ZMYND11: variants seen among roughly 807,000 people sequenced by gnomAD.
ZMYND11 encodes the protein zinc finger MYND domain-containing protein 11.
ZMYND11 carries 9 observed loss-of-function variants against 84.9 expected under a neutral mutation model. The ratio of observed to expected loss-of-function variants is 0.11; its 90% CI spans 0.06 to 0.18. The LOEUF is 0.18. ZMYND11 is among the 10% of genes least tolerant of loss of function. The probability of loss-of-function intolerance (pLI) is 1.00; values close to 1 mark genes in which losing one functional copy is unlikely to be tolerated. For missense variants in ZMYND11, 409 were observed against 761.0 expected (o/e 0.54, Z 5.44); for synonymous variants, 250 against 244.1 (o/e 1.02, Z -0.23).
Position 209,922 on chromosome 10 carries a change from A to G in ZMYND11, c.150A>G (p.Lys50=), listed in dbSNP as rs966917020. 20 of 1,613,976 alleles carry G rather than the reference A, an allele frequency of 1.2e-5. No individual in the cohort carries two copies. The highest frequency in any genetic ancestry group is 1.7e-5 in the Non-Finnish European group (20 of 1,179,986). ...YMSRVHGMHP[K]ETTRQLSLAV... is the part of the protein sequence containing the mutation. The stretch of plus-strand genomic sequence containing the variant: ...CTCGAGTCCACGGTATGCACCCTAA[A>G]GAGACCACCCGTCAGCTGAGCTTAG... The change falls in exon 3 of 15, where the codon AAA becomes AAG. Residue 50 remains lysine (K), a synonymous_variant. Transcript: ENST00000381604.
At chr10:214,701 C>G (rs1251595569) in intron 3 of ZMYND11, among the ~76,000 whole-genome samples, 2 of 152,172 alleles carry the variant, frequency 1.3e-5, no homozygotes, top group Non-Finnish European at 2.9e-5. Flanking sequence ...AAGAAATGCT[C>G]TATGTCCTTG....
At chr10:197,979 C>A (rs1942210325) in intron 2 of ZMYND11, 1 of 649,836 alleles carries the variant, frequency 1.5e-6, no homozygotes, top group Non-Finnish European at 2.8e-6. Context: ...ATGTCATTTT[C>A]ATTAGTTGTA....
At chr10:174,274 C>T (rs1554766394) in intron 1 of ZMYND11, among the ~76,000 whole-genome samples, 2 of 152,136 alleles carry the variant, frequency 1.3e-5, no homozygotes, top group African/African-American at 4.8e-5. Flanking sequence ...ATGCATATTA[C>T]TAAGTGAAGG....
At chr10:247,072 C>T (rs1952307495) in intron 11 of ZMYND11, 99 bp downstream of exon 11, 5 of 1,246,372 alleles carry the variant, frequency 4.0e-6, no homozygotes, top group Non-Finnish European at 5.6e-6. Flanking sequence ...TTTTGACGTT[C>T]TCCTTCCCTT....
intron 2 of ZMYND11, among the ~76,000 whole-genome samples, chr10:206,977 A>G (rs1314380127): frequency 1.3e-5 from 2 of 151,952 alleles, no homozygotes; most frequent in South Asian, 2.1e-4. Context: ...TCCTAATGCT[A>G]TGCCTCCCCA....
At chr10:136,337 C>T (rs781869086) in intron 1 of ZMYND11, among the ~76,000 whole-genome samples, 1 of 152,170 alleles carries the variant, frequency 6.6e-6, no homozygotes, top group African/African-American at 2.4e-5. Context: ...GCGCCGTGCC[C>T]GGTGTCTTTT....
intron 12 of ZMYND11, among the ~76,000 whole-genome samples, chr10:247,980 C>T (rs1952518264): frequency 6.6e-6 from 1 of 152,012 alleles, no homozygotes; most frequent in Admixed American, 6.6e-5. Context: ...GAATCTAGTC[C>T]AATGAAGTAA....
intron 2 of ZMYND11, among the ~76,000 whole-genome samples, chr10:187,673 A>C (rs1939114150): frequency 1.3e-5 from 2 of 151,922 alleles, no homozygotes; most frequent in Admixed American, 1.3e-4. Context: ...AAACTTCTTT[A>C]ACAAGCTCCA....
upstream of ZMYND11, chr10:135,054 G>C (rs1308214274): frequency 6.7e-6 from 1 of 149,156 alleles, no homozygotes; most frequent in Non-Finnish European, 1.5e-5. This position sits in a 1 kb window ranked among gnomAD's most constrained non-coding sequence, Gnocchi z 5.6. Flanking sequence ...CGGGCCGAGG[G>C]GCCGGTGGGG....
rs148084707 is a variant in ZMYND11, at chr10:191,550, T to C, written c.116+11422T>C. On this transcript the variant is annotated intron_variant, in intron 2 of 14. Transcript: ENST00000381604. The stretch of plus-strand genomic sequence containing the variant: ...GTGCTTCAGGATGTATTCTGAAAAG[T>C]TAAAATGGCTGCAGTGATGAAGGAG... 3.0e-3 allele frequency among the ~76,000 whole-genome samples: 458 copies of C among 152,358 alleles called. 2 individuals carry two copies. Among genetic ancestry groups the C allele is most frequent in the Non-Finnish European group, 5.4e-3 (365 of 68,046 alleles).
intron 4 of ZMYND11, among the ~76,000 whole-genome samples, chr10:231,284 C>G (rs1375079522): frequency 6.6e-6 from 1 of 152,154 alleles, no homozygotes. Flanking sequence ...ATTGGGAACG[C>G]CCAAGAAAGT....
intron 3 of ZMYND11, among the ~76,000 whole-genome samples, chr10:220,574 C>A (rs982716458): frequency 2.6e-5 from 4 of 152,104 alleles, no homozygotes; most frequent in Admixed American, 6.5e-5. Flanking sequence ...TGGTAATCTC[C>A]TTTGGATAAT....
intron 1 of ZMYND11, among the ~76,000 whole-genome samples, chr10:165,570 T>TA (rs1188028132): frequency 6.6e-6 from 1 of 152,088 alleles, no homozygotes; most frequent in African/African-American, 2.4e-5. Flanking sequence ...TCTGCAAACT[T>TA]AGTCTCCATC....
chr10:227,898 G>C (rs1948398933), intron 4 of ZMYND11, among the ~76,000 whole-genome samples: 1 of 152,080 alleles, frequency 6.6e-6, no homozygotes, highest in Non-Finnish European at 1.5e-5. Context: ...AATAAGTAGA[G>C]ATTGAAGCCA....
At chr10:151,825 G>T (rs979380512) in intron 1 of ZMYND11, among the ~76,000 whole-genome samples, 1 of 152,100 alleles carries the variant, frequency 6.6e-6, no homozygotes. Flanking sequence ...GAAAGGTTGG[G>T]TTACCCACAA....
At chr10:149,326 T>TA (rs1564268702) in intron 1 of ZMYND11, among the ~76,000 whole-genome samples, 6 of 144,228 alleles carry the variant, frequency 4.2e-5, no homozygotes, top group East Asian at 2.0e-4. Flanking sequence ...TTATTATTAT[T>TA]TTTCAGACCA....
chr10:233,062 C>G (rs1041754303), intron 4 of ZMYND11, among the ~76,000 whole-genome samples: 6 of 152,186 alleles, frequency 3.9e-5, no homozygotes, highest in Non-Finnish European at 8.8e-5. Flanking sequence ...GTTTACATGA[C>G]GAGGTCTCTT....
At chr10:187,100 G>A (rs960132818) in intron 2 of ZMYND11, among the ~76,000 whole-genome samples, 8 of 151,860 alleles carry the variant, frequency 5.3e-5, no homozygotes, top group African/African-American at 7.3e-5. Context: ...ATGGTGGTGC[G>A]TGCCTGTAGT....
chr10:226,976 G>A (rs975413254), intron 4 of ZMYND11, among the ~76,000 whole-genome samples: 2 of 152,094 alleles, frequency 1.3e-5, no homozygotes, highest in Admixed American at 6.6e-5. Flanking sequence ...AATGTTTCAG[G>A]TGGCATTTTT....
Sources: gnomAD v4.1 joint callset for allele counts (sites outside exome capture counted in the v4.1 genomes callset) on GRCh38, gnomAD v4.1.1 for gene constraint, Gnocchi (gnomAD v3.1) non-coding constraint, MANE v1.5 for transcripts, NCBI Gene and HGNC (gene_info 2026-07-23, HGNC 2026-07-21) for gene names.